Variants in C10orf105 observed in about 807,000 individuals in gnomAD.
C10orf105 encodes the protein chromosome 10 open reading frame 105.
C10orf105 carries 2 observed loss-of-function variants against 0.6 expected under a neutral mutation model. That is an observed-to-expected ratio of 3.18 (90% confidence interval 1.30 to 10.01). The LOEUF (loss-of-function observed/expected upper bound fraction) is 10.01, where lower values mean the gene tolerates loss of function less well. Ranked by LOEUF, C10orf105 falls within the 30% of genes most tolerant of loss-of-function variation. C10orf105 has a pLI of 0.04. For synonymous variants in C10orf105, 95 were observed against 82.4 expected (o/e 1.15, Z -0.83); for missense variants, 209 against 191.4 (o/e 1.09, Z -0.54).
rs1027769166 is a variant in C10orf105 at position 71,715,835 on chromosome 10, T to A, written c.*101A>T. 9.1e-6 allele frequency: 11 copies of A among 1,211,538 alleles called. No homozygotes were observed. Among genetic ancestry groups the A allele is most frequent in the Middle Eastern group, 2.0e-4 (1 of 5,032 alleles). 75.0% of individuals were successfully genotyped at this position (1,211,538 alleles called of 1,614,324 possible). On this transcript the variant is annotated 3_prime_UTR_variant, in exon 2 of 2. Transcript: ENST00000441508. Reference sequence around the variant, plus strand: ...GGGGTGAGTGTGTGTCCCAGACTGCTTGGGCCACTGTCTTCCTGCAGCCTG... The same window carrying A: ...GGGGTGAGTGTGTGTCCCAGACTGCATGGGCCACTGTCTTCCTGCAGCCTG...
At chr10:71,736,401 T>C (rs1486539188) in intron 1 of C10orf105, among the ~76,000 whole-genome samples, 1 of 152,170 alleles carries the variant, frequency 6.6e-6, no homozygotes. Flanking sequence ...ACCTGGCTCC[T>C]CCCTGTCCCC....
chr10:71,728,640 T>C (rs1348054770), intron 1 of C10orf105, among the ~76,000 whole-genome samples: 1 of 152,226 alleles, frequency 6.6e-6, no homozygotes, highest in Non-Finnish European at 1.5e-5. Flanking sequence ...AAAGTCTGTA[T>C]GGGGCATCAC....
chr10:71,734,786 C>T, intron 1 of C10orf105: 3 of 562,062 alleles, frequency 5.3e-6, no homozygotes, highest in South Asian at 1.4e-5. Context: ...TGCAGCAGGC[C>T]CCCTCCCAGT....
intron 1 of C10orf105, among the ~76,000 whole-genome samples, chr10:71,725,953 G>A (rs1311403363): frequency 6.6e-6 from 1 of 151,228 alleles, no homozygotes; most frequent in East Asian, 1.9e-4. Context: ...CTGAATCCAA[G>A]TTCAGTGCCC....
rs1448218936 is a variant in C10orf105, at chr10:71,715,230, C to G, written c.*706G>C. On this transcript the variant is annotated 3_prime_UTR_variant, in exon 2 of 2. Coordinates refer to ENST00000441508, the MANE Select transcript of C10orf105 (RefSeq NM_001164375.3). ...CCGCCCTGGCCTCTGAAGGGAGCCT[C>G]CTCGATCATCTTCAATCCCTTCCTG... The G allele has an allele frequency of 6.6e-6, 1 of 152,328 alleles. No individual in the cohort carries two copies. Among genetic ancestry groups the G allele is most frequent in the Non-Finnish European group, 1.5e-5 (1 of 68,108 alleles). The allele number at this position is 152,328 out of a possible 1,614,324, so 9.4% of individuals were successfully genotyped here.
chr10:71,717,501 C>T (rs552551128), intron 1 of C10orf105: 22 of 152,380 alleles, frequency 1.4e-4, no homozygotes, highest in African/African-American at 4.8e-4. Flanking sequence ...AAGATCATCC[C>T]ATTAGACGCA....
chr10:71,723,970 A>G, upstream of C10orf105: 1 of 1,510,122 alleles, frequency 6.6e-7, no homozygotes, highest in Non-Finnish European at 9.0e-7. Context: ...GAAGGGAAGG[A>G]AAGGAACTCT....
chr10:71,734,764 C>A (rs978101929), intron 1 of C10orf105: 4 of 679,970 alleles, frequency 5.9e-6, no homozygotes, highest in South Asian at 1.3e-5. Context: ...AGAGAAGGCA[C>A]GTGGACAGGC....
At chr10:71,733,176 T>C (rs1370713396) in intron 1 of C10orf105, among the ~76,000 whole-genome samples, 1 of 152,194 alleles carries the variant, frequency 6.6e-6, no homozygotes, top group African/African-American at 2.4e-5. Flanking sequence ...TACCAAAGTA[T>C]TATGAAGGAT....
chr10:71,712,905 G>T lies in C10orf105; in HGVS notation c.*3031C>A. 1 of 1,471,562 alleles carries T rather than the reference G, an allele frequency of 6.8e-7. No individual in the cohort carries two copies. The highest frequency in any genetic ancestry group is 9.3e-7 in the Non-Finnish European group (1 of 1,073,452). 91.2% of individuals were successfully genotyped at this position (1,471,562 alleles called of 1,614,324 possible). A position where few individuals can be genotyped will look rare whatever the true frequency, so the allele number is the denominator to read the frequency against. ...GGGCACATGCTCAGTGGCACCAGAGGCGGAAGCAGGTGGGGGCCCAGGGTG... is the reference window on the plus strand; with the variant it reads ...GGGCACATGCTCAGTGGCACCAGAGTCGGAAGCAGGTGGGGGCCCAGGGTG... On this transcript the variant is annotated 3_prime_UTR_variant, in exon 2 of 2. Transcript: ENST00000441508.
rs1866255774 is a variant in C10orf105, at chr10:71,716,603, A to G, written c.-5-261T>C. 4 of 395,292 alleles carry G rather than the reference A, an allele frequency of 1.0e-5. No individual in the cohort carries two copies. In the Admixed American group the frequency reaches 1.6e-4, roughly 16 times the overall value. 24.5% of individuals were successfully genotyped at this position (395,292 alleles called of 1,614,324 possible). The stretch of plus-strand genomic sequence containing the variant: ...CCTGTGCCCATCTGCCATGCAGACA[A>G]GAGGGCGGTGGCCTGTCCGCATTTT... On this transcript the variant is annotated intron_variant, in intron 1 of 1. Transcript: ENST00000441508.
chr10:71,723,842 G>A (rs1212871779), upstream of C10orf105, among the ~76,000 whole-genome samples: 1 of 152,130 alleles, frequency 6.6e-6, no homozygotes, highest in Non-Finnish European at 1.5e-5. Flanking sequence ...GGGCTGCAGG[G>A]GCCATCAGCG....
rs1360130116 is a variant in C10orf105, at chr10:71,711,836, C to T, written c.*4100G>A. The T allele has an allele frequency of 1.3e-5, 2 of 152,138 alleles. No homozygotes were observed. The highest frequency in any genetic ancestry group is 2.9e-5 in the Non-Finnish European group (2 of 68,012). 9.4% of individuals were successfully genotyped at this position (152,138 alleles called of 1,614,324 possible). Reference sequence around the variant, plus strand: ...ACTGGAGTGGAGGACAGCTGCCCTTCCAGCGGGGCCCATCCAGGTGTTTGA... The same window carrying T: ...ACTGGAGTGGAGGACAGCTGCCCTTTCAGCGGGGCCCATCCAGGTGTTTGA... On this transcript the variant is annotated 3_prime_UTR_variant, in exon 2 of 2. Transcript: ENST00000441508.
At chr10:71,723,997 C>G (rs1255005217), upstream of C10orf105, 3 of 1,547,274 alleles carry the variant, frequency 1.9e-6, no homozygotes, top group South Asian at 3.6e-5. Flanking sequence ...CTCTTCTCTC[C>G]CTGCTGGGTG....
At chr10:71,727,282 C>G (rs1866858628) in intron 1 of C10orf105, among the ~76,000 whole-genome samples, 1 of 152,202 alleles carries the variant, frequency 6.6e-6, no homozygotes. Flanking sequence ...TTGAGCCTGT[C>G]CCCTTAACCA....
intron 1 of C10orf105, among the ~76,000 whole-genome samples, chr10:71,735,888 G>C (rs1213946640): frequency 6.6e-6 from 1 of 152,192 alleles, no homozygotes. Flanking sequence ...CAGAGCGCTC[G>C]GGCAGTGGGT....
Position 71,716,168 on chromosome 10 carries a change from G to C in C10orf105, c.170C>G (p.Thr57Arg). The change falls in exon 2 of 2, where the codon ACG (threonine) becomes AGG (arginine). Residue 57 changes from threonine (T) to arginine (R), a missense_variant. Coordinates refer to ENST00000441508, the MANE Select transcript of C10orf105 (RefSeq NM_001164375.3). The stretch of plus-strand genomic sequence containing the variant: ...GTCCAGCGCGGCCGGCTTGCAGAGC[G>C]TCATGAACAGCAGACAGGTGGCCAG... ...LLLATCLLFM[T>R]LCKPAALDPS... The C allele has an allele frequency of 6.4e-7, 1 of 1,550,970 alleles. No homozygotes were observed. Among genetic ancestry groups the C allele is most frequent in the Non-Finnish European group, 8.7e-7 (1 of 1,146,826 alleles).
At chr10:71,735,087 G>A (rs957612063) in intron 1 of C10orf105, among the ~76,000 whole-genome samples, 10 of 152,214 alleles carry the variant, frequency 6.6e-5, no homozygotes, top group Non-Finnish European at 1.2e-4. Flanking sequence ...GAGATTGCAG[G>A]CAGAAAGCCC....
chr10:71,715,602 G>A lies in C10orf105; in HGVS notation c.*334C>T. The A allele has an allele frequency of 4.3e-6, 1 of 230,082 alleles. No individual in the cohort carries two copies. The highest frequency in any genetic ancestry group is 8.4e-6 in the Non-Finnish European group (1 of 118,472). 14.3% of individuals were successfully genotyped at this position (230,082 alleles called of 1,614,324 possible). ...CTGGAGGGCAAGGCTTCTGTGGCGA[G>A]CGAGGGTGCTGCTTCTAGGAGGTGG... On this transcript the variant is annotated 3_prime_UTR_variant, in exon 2 of 2. Transcript: ENST00000441508.
Sources: allele counts gnomAD v4.1 joint callset (sites outside exome capture counted in the v4.1 genomes callset), GRCh38; gene constraint gnomAD v4.1.1; transcripts MANE v1.5; gene names NCBI Gene and HGNC (gene_info 2026-07-23, HGNC 2026-07-21).